Variants in MINPP1 observed in about 807,000 individuals in gnomAD.
MINPP1 encodes multiple inositol polyphosphate phosphatase 1.
A neutral mutation model predicts 46.1 loss-of-function variants in MINPP1; 28 were observed. The observed-to-expected ratio is 0.61, with a 90% CI of 0.45 to 0.83. The LOEUF (loss-of-function observed/expected upper bound fraction) is 0.83. Ranked by LOEUF, MINPP1 falls within the 40% of genes least tolerant of loss-of-function variation. The probability of loss-of-function intolerance (pLI) is 0.00; values close to 1 mark genes in which losing one functional copy is unlikely to be tolerated. For synonymous variants in MINPP1, 268 were observed against 249.1 expected (o/e 1.08, Z -0.72); for missense variants, 603 against 610.0 (o/e 0.99, Z 0.12).
At chr10:87,517,035 G>A (rs550866470) in intron 3 of MINPP1, among the ~76,000 whole-genome samples, 2 of 152,172 alleles carry the variant, frequency 1.3e-5, no homozygotes, top group African/African-American at 4.8e-5. Context: ...ACAGATAGAG[G>A]GGAACAACAT....
chr10:87,528,880 A>C (rs1851616567), intron 4 of MINPP1, among the ~76,000 whole-genome samples: 1 of 152,116 alleles, frequency 6.6e-6, no homozygotes, highest in Non-Finnish European at 1.5e-5. Context: ...TTGCTTTATG[A>C]ATCTGGGTGC....
At chr10:87,547,464 T>C (rs1392190573) in intron 4 of MINPP1, among the ~76,000 whole-genome samples, 4 of 152,198 alleles carry the variant, frequency 2.6e-5, no homozygotes, top group Non-Finnish European at 5.9e-5. Context: ...TCCTAAATTA[T>C]TTACTCTACT....
In MINPP1 at chr10:87,504,958, C is replaced by T. The variant is rs1465406409; in HGVS notation, c.43C>T (p.Pro15Ser). Residue 15 changes from proline (P) to serine (S), a missense_variant, in exon 1 of 5, where the codon CCT becomes TCT. By Grantham distance (74) the Pro-to-Ser change is moderately conservative (BLOSUM62 -1). This residue lies in a region of MINPP1 where 239 missense variants were observed against 189.4 expected (regional missense o/e 1.26). Transcript: ENST00000371996. ...CTGCCTCCTCCGGACCTCCGTAGCG[C>T]CTGCCGCGGCCCTGGCTGCGGCGCT... ...PGCLLRTSVA[P>S]AAALAAALLS... The T allele has an allele frequency of 1.9e-6, 3 of 1,611,942 alleles. No individual in the cohort carries two copies. Among genetic ancestry groups the T allele is most frequent in the Non-Finnish European group, 2.5e-6 (3 of 1,179,512 alleles).
rs1480333303 is a variant in MINPP1 at position 87,505,429 on chromosome 10, G to A, written c.514G>A (p.Glu172Lys). The A allele has an allele frequency of 1.9e-6, 3 of 1,613,566 alleles. No individual in the cohort carries two copies. The highest frequency in any genetic ancestry group is 2.5e-6 in the Non-Finnish European group (3 of 1,179,802). ...GCTCTTCCCGGCCCTTTTCAGCCGT[G>A]AGAACTACGGCCGCCTGCGGCTCAT... ...ASLFPALFSR[E>K]NYGRLRLITS... The change falls in exon 1 of 5, where the codon GAG (glutamate) becomes AAG (lysine). Residue 172 changes from glutamate (E) to lysine (K), a missense_variant. Coordinates refer to ENST00000371996, the MANE Select transcript of MINPP1 (RefSeq NM_004897.5). The surrounding 1 kb of genome is among the most constrained non-coding windows in gnomAD (Gnocchi z 4.4).
intron 4 of MINPP1, among the ~76,000 whole-genome samples, chr10:87,540,993 G>A (rs906060710): frequency 7.9e-5 from 12 of 152,232 alleles, no homozygotes; most frequent in Middle Eastern, 3.4e-3. Flanking sequence ...CCTACTGTAT[G>A]TGCACACACA....
intron 4 of MINPP1, among the ~76,000 whole-genome samples, chr10:87,527,673 T>G (rs1589377940): frequency 6.6e-6 from 1 of 151,716 alleles, no homozygotes; most frequent in East Asian, 1.9e-4. Context: ...CTAAAATTCT[T>G]TTTTTTTGTT....
At chr10:87,542,748 G>A (rs540756740) in intron 4 of MINPP1, among the ~76,000 whole-genome samples, 4 of 152,282 alleles carry the variant, frequency 2.6e-5, no homozygotes, top group South Asian at 4.1e-4. Context: ...CTGCAGAACC[G>A]TAAGCCAAAA....
chr10:87,522,485 A>G (rs1460126070), intron 4 of MINPP1, among the ~76,000 whole-genome samples: 5 of 152,088 alleles, frequency 3.3e-5, no homozygotes, highest in Non-Finnish European at 7.3e-5. Context: ...GAATATCACA[A>G]TGAAGGGAGT....
At chr10:87,544,937 A>G (rs557828400) in intron 4 of MINPP1, among the ~76,000 whole-genome samples, 2 of 152,332 alleles carry the variant, frequency 1.3e-5, no homozygotes, top group South Asian at 2.1e-4. Flanking sequence ...TACTTTTGAG[A>G]TAAAGCAAAA....
At position 87,508,471 on chromosome 10, in the gene MINPP1, T is replaced by A; in HGVS notation, c.773T>A (p.Met258Lys). The A allele has an allele frequency of 6.2e-7, 1 of 1,613,872 alleles. No homozygotes were observed. The highest frequency in any genetic ancestry group is 8.5e-7 in the Non-Finnish European group (1 of 1,179,854). The change falls in exon 2 of 5, where the codon ATG becomes AAG. Residue 258 changes from methionine (M) to lysine (K), a missense_variant. Physicochemically the swap from Met to Lys is moderately conservative, Grantham distance 95 (BLOSUM62 -1). This residue lies in a region of MINPP1 where 344 missense variants were observed against 381.1 expected (regional missense o/e 0.90). Coordinates refer to ENST00000371996, the MANE Select transcript of MINPP1 (RefSeq NM_004897.5). Reference protein sequence around the residue: ...HVEAFKTGPEMQNILKKVAAT... With the variant: ...HVEAFKTGPEKQNILKKVAAT... ...GAAGCCTTCAAAACTGGACCAGAAA[T>A]GCAGAACATTTTAAAAAAAGTTGCA...
intron 4 of MINPP1, among the ~76,000 whole-genome samples, chr10:87,551,313 T>C (rs1237816864): frequency 6.6e-6 from 1 of 152,044 alleles, no homozygotes; most frequent in Non-Finnish European, 1.5e-5. Context: ...CATGTTTGAA[T>C]AGGTTTACAA....
In MINPP1 at chr10:87,505,399, G is replaced by T; in HGVS notation, c.484G>T (p.Ala162Ser). ...QDMRQLALRL[A>S]SLFPALFSRE... ...TATGCGACAGCTGGCGCTGCGTCTG[G>T]CCTCGCTCTTCCCGGCCCTTTTCAG... The change falls in exon 1 of 5, where the codon GCC becomes TCC. Residue 162 changes from alanine (A) to serine (S), a missense_variant. Transcript: ENST00000371996. This position sits in a 1 kb window ranked among gnomAD's most constrained non-coding sequence, Gnocchi z 4.4. 6.2e-7 allele frequency: 1 copy of T among 1,613,942 alleles called. No individual in the cohort carries two copies. Among genetic ancestry groups the T allele is most frequent in the Non-Finnish European group, 8.5e-7 (1 of 1,179,952 alleles).
Position 87,526,932 on chromosome 10 carries a change from T to C in MINPP1, c.1067+5763T>C, listed in dbSNP as rs141510280. 3.6e-3 allele frequency among the ~76,000 whole-genome samples: 546 copies of C among 152,378 alleles called. 6 individuals carry two copies. The highest frequency in any genetic ancestry group is 0.012 in the African/African-American group (508 of 41,598). Reference sequence around the variant, plus strand: ...CTTTGTTTTGGTACCAGTACCATGCTGTTTTGGTTACTGTAGACTTGTAGT... The same window carrying C: ...CTTTGTTTTGGTACCAGTACCATGCCGTTTTGGTTACTGTAGACTTGTAGT... On this transcript the variant is annotated intron_variant, in intron 4 of 4. Transcript: ENST00000371996.
At chr10:87,513,887 G>C (rs569565919) in intron 3 of MINPP1, among the ~76,000 whole-genome samples, 10 of 152,154 alleles carry the variant, frequency 6.6e-5, no homozygotes, top group African/African-American at 2.2e-4. Context: ...GTATACAATA[G>C]AGCCGTATTC....
In MINPP1 at chr10:87,505,022, G is replaced by C. The variant is rs1160717645; in HGVS notation, c.107G>C (p.Arg36Thr). 1 of 1,613,124 alleles carries C rather than the reference G, an allele frequency of 6.2e-7. No homozygotes were observed. The highest frequency in any genetic ancestry group is 8.5e-7 in the Non-Finnish European group (1 of 1,179,900). Residue 36 changes from arginine to threonine, a missense_variant, in exon 1 of 5, where the codon AGG becomes ACG. This residue lies in a region of MINPP1 where 239 missense variants were observed against 189.4 expected (regional missense o/e 1.26). Transcript: ENST00000371996. The surrounding 1 kb of genome is among the most constrained non-coding windows in gnomAD (Gnocchi z 4.4). ...SLARCSLLEP[R>T]DPVASSLSPY... ...GCGCGCTGCTCTCTTCTAGAGCCGA[G>C]GGACCCGGTGGCCTCGTCGCTCAGC...
intron 4 of MINPP1, among the ~76,000 whole-genome samples, chr10:87,534,406 C>T (rs1342021829): frequency 1.3e-5 from 2 of 152,194 alleles, no homozygotes; most frequent in East Asian, 3.9e-4. Flanking sequence ...ATATAACTAG[C>T]CTGGCTGTAC....
chr10:87,533,446 A>G lies in MINPP1; in HGVS notation c.1067+12277A>G, dbSNP rs558985917. Among the ~76,000 whole-genome samples the G allele has an allele frequency of 2.0e-4, 31 of 152,322 alleles. No homozygotes were observed. The South Asian group carries it at 4.8e-3, about 23-fold the overall frequency. On this transcript the variant is annotated intron_variant, in intron 4 of 4. Coordinates refer to ENST00000371996, the MANE Select transcript of MINPP1 (RefSeq NM_004897.5). ...TATTTCTATTTAAGCAGATATTTCT[A>G]TTTAAGCAGCTGTGATTAGAAAAGC...
At chr10:87,518,932 T>G (rs1264140153) in intron 3 of MINPP1, among the ~76,000 whole-genome samples, 2 of 152,132 alleles carry the variant, frequency 1.3e-5, no homozygotes, top group Non-Finnish European at 2.9e-5. Flanking sequence ...CTAAACCCAG[T>G]CCTCTTGGGT....
At chr10:87,540,127 C>A (rs1851793332) in intron 4 of MINPP1, among the ~76,000 whole-genome samples, 1 of 152,186 alleles carries the variant, frequency 6.6e-6, no homozygotes, top group Non-Finnish European at 1.5e-5. Flanking sequence ...ATCTGAGCCT[C>A]CCAAAGTGCT....
Sources: allele counts gnomAD v4.1 joint callset (sites outside exome capture counted in the v4.1 genomes callset), GRCh38; gene constraint gnomAD v4.1.1; regional missense constraint gnomAD v4.1.1; non-coding constraint Gnocchi (gnomAD v3.1); transcripts MANE v1.5; gene names NCBI Gene and HGNC (gene_info 2026-07-23, HGNC 2026-07-21).